Variants in CEMIP observed in about 807,000 individuals in gnomAD.
The protein encoded by CEMIP is cell migration inducing hyaluronidase 1.
CEMIP carries 105 observed loss-of-function variants against 156.9 expected under a neutral mutation model. The ratio of observed to expected loss-of-function variants is 0.67; its 90% CI spans 0.57 to 0.79. CEMIP has a LOEUF of 0.79. CEMIP is among the 30% of genes least tolerant of loss of function. The probability of loss-of-function intolerance (pLI) is 0.00; values close to 1 mark genes in which losing one functional copy is unlikely to be tolerated. For synonymous variants in CEMIP, 676 were observed against 668.4 expected (o/e 1.01, Z -0.17); for missense variants, 1,457 against 1,769.4 (o/e 0.82, Z 3.17).
intron 13 of CEMIP, among the ~76,000 whole-genome samples, chr15:80,908,323 C>A (rs1276339476): frequency 6.6e-6 from 1 of 152,190 alleles, no homozygotes; most frequent in Non-Finnish European, 1.5e-5. Context: ...CACAGCTCTC[C>A]AGGGCCGCTA....
intron 1 of CEMIP, among the ~76,000 whole-genome samples, chr15:80,873,249 A>G (rs1438306718): frequency 1.3e-5 from 2 of 152,224 alleles, no homozygotes; most frequent in Non-Finnish European, 2.9e-5. Context: ...ACTGGGGACA[A>G]TTAGCTATCT....
rs1258759829 is a variant in CEMIP at position 80,937,911 on chromosome 15, C to A, written c.3339C>A (p.Thr1113=). ...QTSKTGVFVR[T]LQMDKVEQSY... ...CCAAGACGGGCGTCTTCGTGAGGACCTTGCAGATGGACAAAGTGGAGCAGA... is the reference window on the plus strand; with the variant it reads ...CCAAGACGGGCGTCTTCGTGAGGACATTGCAGATGGACAAAGTGGAGCAGA... Residue 1113 remains threonine, a synonymous_variant, in exon 25 of 30, where the codon ACC becomes ACA. Coordinates refer to ENST00000394685, the MANE Select transcript of CEMIP (RefSeq NM_001293298.2). 3 of 1,614,214 alleles carry A rather than the reference C, an allele frequency of 1.9e-6. No individual in the cohort carries two copies. Among genetic ancestry groups the A allele is most frequent in the Non-Finnish European group, 2.5e-6 (3 of 1,180,030 alleles).
rs754489512 is a variant in CEMIP at position 80,928,801 on chromosome 15, T to C, written c.2421-101T>C. ...TAGAGACTCCTTCCTCTGCACGGTA[T>C]TCAGTTTGACTCCAAGGGCAGGGAA... On this transcript the variant is annotated intron_variant, in intron 19 of 29. Transcript: ENST00000394685. 144 of 1,429,308 alleles carry C rather than the reference T, an allele frequency of 1.0e-4. No individual in the cohort carries two copies. In the Middle Eastern group the frequency reaches 1.2e-3, roughly 12 times the overall value. 88.5% of individuals were successfully genotyped at this position (1,429,308 alleles called of 1,614,324 possible). A position where few individuals can be genotyped will look rare whatever the true frequency, so the allele number is the denominator to read the frequency against.
intron 1 of CEMIP, among the ~76,000 whole-genome samples, chr15:80,794,049 G>A (rs1046061613): frequency 6.6e-6 from 1 of 152,114 alleles, no homozygotes; most frequent in African/African-American, 2.4e-5. Flanking sequence ...CTGGTTTTGG[G>A]GATTTGAAAA....
At chr15:80,782,645 C>T (rs936539568) in intron 1 of CEMIP, among the ~76,000 whole-genome samples, 1 of 152,178 alleles carries the variant, frequency 6.6e-6, no homozygotes, top group Non-Finnish European at 1.5e-5. Flanking sequence ...GTGTTTTTAT[C>T]CCTGTCAGTT....
At chr15:80,793,810 G>A (rs1896146936) in intron 1 of CEMIP, among the ~76,000 whole-genome samples, 1 of 152,180 alleles carries the variant, frequency 6.6e-6, no homozygotes, top group Non-Finnish European at 1.5e-5. Flanking sequence ...AGACTTGGGT[G>A]CTGTGGGACC....
At chr15:80,794,381 A>T (rs1896161770) in intron 1 of CEMIP, among the ~76,000 whole-genome samples, 1 of 152,170 alleles carries the variant, frequency 6.6e-6, no homozygotes, top group African/African-American at 2.4e-5. Flanking sequence ...AGAGGCTGCT[A>T]GGCTCTGGGG....
chr15:80,942,922 C>T (rs1182136656), intron 27 of CEMIP, 23 bp from the exon 28 acceptor site: 2 of 1,614,224 alleles, frequency 1.2e-6, no homozygotes, highest in Non-Finnish European at 1.7e-6. Flanking sequence ...CTGCCTCACA[C>T]CTGGATTGCT....
chr15:80,798,950 C>T (rs892532101), intron 1 of CEMIP, among the ~76,000 whole-genome samples: 3 of 152,226 alleles, frequency 2.0e-5, no homozygotes, highest in Admixed American at 1.3e-4. Flanking sequence ...AACTCTAACA[C>T]ACTTTTCCCT....
At chr15:80,928,767 C>T in intron 19 of CEMIP, 135 bp from the exon 20 acceptor site, 1 of 1,117,916 alleles carries the variant, frequency 8.9e-7, no homozygotes, top group Non-Finnish European at 1.3e-6. Context: ...GAGCACGACT[C>T]TGCTTATGTA....
At chr15:80,907,430 C>T (rs1282107402) in intron 13 of CEMIP, among the ~76,000 whole-genome samples, 7 of 152,112 alleles carry the variant, frequency 4.6e-5, no homozygotes, top group South Asian at 2.1e-4. Flanking sequence ...GGGCTGGTGG[C>T]GGGCGCCTGT....
At chr15:80,902,890 T>G (rs1391890853) in intron 12 of CEMIP, among the ~76,000 whole-genome samples, 1 of 152,216 alleles carries the variant, frequency 6.6e-6, no homozygotes, top group Admixed American at 6.5e-5. Context: ...GGGGCTTAAT[T>G]TCTAAGCACA....
At chr15:80,892,562 C>T (rs997535857) in intron 10 of CEMIP, among the ~76,000 whole-genome samples, 2 of 152,096 alleles carry the variant, frequency 1.3e-5, no homozygotes, top group Non-Finnish European at 2.9e-5. Flanking sequence ...TAGAGGTCGG[C>T]CTGATGGTAA....
At position 80,803,915 on chromosome 15, in the gene CEMIP, G is replaced by A. The variant is rs139923783; in HGVS notation, c.-176+24301G>A. 9.0e-3 allele frequency among the ~76,000 whole-genome samples: 1,373 copies of A among 152,248 alleles called. 7 individuals are homozygous for A. The highest frequency in any genetic ancestry group is 0.016 in the Non-Finnish European group (1,059 of 68,028). On this transcript the variant is annotated intron_variant, in intron 1 of 29. Coordinates refer to ENST00000394685, the MANE Select transcript of CEMIP (RefSeq NM_001293298.2). ...TCATGCTGCTAATAAAGACAAACTC[G>A]AGACTGGATAATTTCTAAAGAAAAG...
At chr15:80,795,390 G>A (rs1433504464) in intron 1 of CEMIP, among the ~76,000 whole-genome samples, 1 of 152,044 alleles carries the variant, frequency 6.6e-6, no homozygotes, top group East Asian at 1.9e-4. Context: ...GGGTTGGAGT[G>A]GAGGCAGTGG....
At chr15:80,826,813 G>C (rs1391372761) in intron 1 of CEMIP, among the ~76,000 whole-genome samples, 1 of 152,128 alleles carries the variant, frequency 6.6e-6, no homozygotes. Flanking sequence ...AGTCCCTACT[G>C]CTCCTTATTG....
chr15:80,868,293 A>G (rs28499398), intron 1 of CEMIP, among the ~76,000 whole-genome samples: 4,602 of 152,286 alleles, frequency 0.03, 215 homozygotes, highest in African/African-American at 0.1. Flanking sequence ...AGGGGCAGAG[A>G]AATGGCTCAA....
chr15:80,841,364 G>A (rs575874749), intron 1 of CEMIP, among the ~76,000 whole-genome samples: 1 of 152,136 alleles, frequency 6.6e-6, no homozygotes, highest in South Asian at 2.1e-4. Context: ...GTGATGGGTT[G>A]GGGGTGGAGA....
chr15:80,854,806 C>T (rs188519627), intron 1 of CEMIP, among the ~76,000 whole-genome samples: 4 of 152,200 alleles, frequency 2.6e-5, no homozygotes, highest in Admixed American at 6.5e-5. Flanking sequence ...AATAAATCCA[C>T]GAGATAATGT....
Sources: allele counts gnomAD v4.1 joint callset (sites outside exome capture counted in the v4.1 genomes callset), GRCh38; gene constraint gnomAD v4.1.1; transcripts MANE v1.5; gene names NCBI Gene and HGNC (gene_info 2026-07-23, HGNC 2026-07-21).